Variants in FOXN3 observed in about 807,000 individuals in gnomAD.
The protein encoded by FOXN3 is forkhead box N3.
FOXN3 carries 7 observed loss-of-function variants against 38.4 expected under a neutral mutation model. That is an observed-to-expected ratio of 0.18 (90% CI 0.10 to 0.34). The LOEUF is 0.34. Ranked by LOEUF, FOXN3 falls within the 10% of genes least tolerant of loss-of-function variation. The pLI is 1.00. For missense variants in FOXN3, 456 were observed against 613.4 expected, an observed-to-expected ratio of 0.74 and a Z score of 2.71; for synonymous variants, 230 against 242.2, an observed-to-expected ratio of 0.95 and a Z score of 0.47.
At chr14:89,571,554 A>C (rs1458591054) in intron 1 of FOXN3, among the ~76,000 whole-genome samples, 2 of 152,164 alleles carry the variant, frequency 1.3e-5, no homozygotes, top group Non-Finnish European at 2.9e-5. Flanking sequence ...TGAAAAAAGA[A>C]TAAAAGTTGG....
intron 3 of FOXN3, among the ~76,000 whole-genome samples, chr14:89,312,403 G>A (rs1005551495): frequency 4.0e-5 from 6 of 151,476 alleles, no homozygotes; most frequent in South Asian, 2.1e-4. Flanking sequence ...TAAAAGTAAG[G>A]AAAATCAAGC....
intron 3 of FOXN3, among the ~76,000 whole-genome samples, chr14:89,314,827 T>C (rs915891234): frequency 1.3e-5 from 2 of 152,216 alleles, no homozygotes; most frequent in East Asian, 1.9e-4. Context: ...TGATGTTAGC[T>C]AACCGAGAAC....
chr14:89,380,867 C>T (rs1890624624), intron 2 of FOXN3, among the ~76,000 whole-genome samples: 1 of 152,126 alleles, frequency 6.6e-6, no homozygotes, highest in Non-Finnish European at 1.5e-5. Flanking sequence ...TCAGGCCAGG[C>T]GTGGTGGCTC....
intron 4 of FOXN3, among the ~76,000 whole-genome samples, chr14:89,239,760 A>G (rs377293451): frequency 2.0e-5 from 3 of 152,246 alleles, no homozygotes; most frequent in African/African-American, 7.2e-5. Flanking sequence ...GAAGCTACCA[A>G]TTATTGAAAA....
chr14:89,430,037 TTC>T (rs1196066555), intron 1 of FOXN3, among the ~76,000 whole-genome samples: 8 of 152,350 alleles, frequency 5.3e-5, no homozygotes, highest in African/African-American at 1.7e-4. Flanking sequence ...ACACATTTAT[TTC>T]TCTGAGTTTT....
At chr14:89,437,995 G>A (rs1892305387) in intron 1 of FOXN3, among the ~76,000 whole-genome samples, 1 of 152,186 alleles carries the variant, frequency 6.6e-6, no homozygotes, top group African/African-American at 2.4e-5. Flanking sequence ...GGTGAAGTTG[G>A]TTGATCAAAG....
intron 1 of FOXN3, among the ~76,000 whole-genome samples, chr14:89,513,317 G>A (rs1894134535): frequency 6.6e-6 from 1 of 151,718 alleles, no homozygotes; most frequent in Non-Finnish European, 1.5e-5. Flanking sequence ...CCAGGCTGGA[G>A]TGCAGTGGCC....
At chr14:89,243,217 A>T (rs999847575) in intron 4 of FOXN3, among the ~76,000 whole-genome samples, 7 of 152,208 alleles carry the variant, frequency 4.6e-5, no homozygotes, top group Admixed American at 4.6e-4. Flanking sequence ...AATTTTTTTA[A>T]AAAAAGCAAA....
At chr14:89,600,562 A>G (rs899617926) in intron 1 of FOXN3, among the ~76,000 whole-genome samples, 1 of 152,224 alleles carries the variant, frequency 6.6e-6, no homozygotes, top group Non-Finnish European at 1.5e-5. Context: ...AAATAAATTA[A>G]TTTAAAAGTC....
At chr14:89,619,161 C>A (rs1004401038), upstream of FOXN3, 1 of 150,548 alleles carries the variant, frequency 6.6e-6, no homozygotes, top group African/African-American at 2.4e-5. Context: ...GCCGGAACCC[C>A]GGCTCCTGCG....
chr14:89,315,688 C>T (rs533400563), intron 3 of FOXN3, among the ~76,000 whole-genome samples: 3 of 152,284 alleles, frequency 2.0e-5, no homozygotes, highest in Admixed American at 6.5e-5. Context: ...GTCACTCTGC[C>T]GAAAGATCTG....
chr14:89,320,976 T>C (rs1377589873), intron 3 of FOXN3, among the ~76,000 whole-genome samples: 1 of 152,030 alleles, frequency 6.6e-6, no homozygotes, highest in Non-Finnish European at 1.5e-5. Flanking sequence ...AAAGGAACCT[T>C]CTTCTTGGGG....
intron 1 of FOXN3, among the ~76,000 whole-genome samples, chr14:89,433,844 T>C (rs1415834360): frequency 6.6e-6 from 1 of 150,554 alleles, no homozygotes; most frequent in Non-Finnish European, 1.5e-5. Context: ...ACAGACATAT[T>C]CATTAAATGG....
intron 1 of FOXN3, among the ~76,000 whole-genome samples, chr14:89,488,624 C>CAAAA (rs34611131): frequency 1.7e-5 from 2 of 119,420 alleles, no homozygotes; most frequent in Non-Finnish European, 1.8e-5. Flanking sequence ...TGCCCCATCT[C>CAAAA]AAAAAAAAAA....
intron 2 of FOXN3, among the ~76,000 whole-genome samples, chr14:89,378,248 G>A (rs138771239): frequency 8.5e-5 from 13 of 152,310 alleles, no homozygotes; most frequent in African/African-American, 2.4e-4. Context: ...AGGATAGTAC[G>A]TGAGTGTGCA....
chr14:89,558,602 G>A (rs974968897), intron 1 of FOXN3, among the ~76,000 whole-genome samples: 1 of 152,248 alleles, frequency 6.6e-6, no homozygotes, highest in Non-Finnish European at 1.5e-5. Context: ...TCAAGGTCAA[G>A]ACTGGACTAG....
rs1555407807 is a variant in FOXN3 at position 89,161,588 on chromosome 14, T to TGC, written c.*825_*826insGC. 6.9e-6 allele frequency: 1 copy of TGC among 144,864 alleles called. No individual in the cohort carries two copies. The highest frequency in any genetic ancestry group is 1.5e-5 in the Non-Finnish European group (1 of 65,124). The allele number at this position is 144,864 out of a possible 1,614,324, so 9.0% of individuals were successfully genotyped here. On this transcript the variant is annotated 3_prime_UTR_variant, in exon 6 of 6. Transcript: ENST00000557258. ...GTGTGTGTGTGTGTGTGTGTGTGTG[T>TGC]GTGTGTGTGCGTGCGTGCACAGGGC...
intron 1 of FOXN3, among the ~76,000 whole-genome samples, chr14:89,481,331 CG>C (rs1893323803): frequency 6.6e-6 from 1 of 152,092 alleles, no homozygotes; most frequent in Non-Finnish European, 1.5e-5. Context: ...GGCAGGGGAC[CG>C]GACGGGAAGT....
chr14:89,202,821 A>G (rs534708081), intron 4 of FOXN3, among the ~76,000 whole-genome samples: 12 of 152,260 alleles, frequency 7.9e-5, no homozygotes, highest in African/African-American at 2.6e-4. Flanking sequence ...ATGAAGTTGT[A>G]CAGCCTACAG....
Sources: allele counts gnomAD v4.1 joint callset (sites outside exome capture counted in the v4.1 genomes callset), GRCh38; gene constraint gnomAD v4.1.1; transcripts MANE v1.5; gene names NCBI Gene and HGNC (gene_info 2026-07-23, HGNC 2026-07-21).